The following ADGRB3 variants were observed in gnomAD, a reference collection of about 807,000 sequenced individuals.
ADGRB3 encodes adhesion G protein-coupled receptor B3.
In ADGRB3, 37 loss-of-function variants were observed where a neutral mutation model predicts 193.4. The ratio of observed to expected loss-of-function variants is 0.19; its 90% CI spans 0.15 to 0.25. The LOEUF (loss-of-function observed/expected upper bound fraction) is 0.25, where lower values mean the gene tolerates loss of function less well. Among genes scored for constraint, ADGRB3 ranks in the 10% least tolerant of loss-of-function variants. ADGRB3 has a pLI of 1.00. For synonymous variants in ADGRB3, 690 were observed against 644.2 expected, an observed-to-expected ratio of 1.07 and a Z score of -1.08; for missense variants, 1,637 against 1,852.9, an observed-to-expected ratio of 0.88 and a Z score of 2.14.
chr6:68,907,892 G>T (rs1019936056), intron 3 of ADGRB3, among the ~76,000 whole-genome samples: 2 of 151,812 alleles, frequency 1.3e-5, no homozygotes, highest in Admixed American at 1.3e-4. Context: ...TATCAAGAAA[G>T]AACTTTAATA....
chr6:69,172,226 C>A (rs564311583), intron 17 of ADGRB3, among the ~76,000 whole-genome samples: 2 of 152,210 alleles, frequency 1.3e-5, no homozygotes, highest in South Asian at 4.1e-4. Flanking sequence ...GTACTTTGAT[C>A]TTTTATATTA....
intron 16 of ADGRB3, among the ~76,000 whole-genome samples, chr6:69,067,701 T>C (rs1293991561): frequency 6.6e-6 from 1 of 152,128 alleles, no homozygotes; most frequent in African/African-American, 2.4e-5. Flanking sequence ...TTTACAGTTC[T>C]TGGTAACTTT....
chr6:69,040,444 A>G (rs1297947354), intron 13 of ADGRB3, among the ~76,000 whole-genome samples: 1 of 149,058 alleles, frequency 6.7e-6, no homozygotes, highest in Non-Finnish European at 1.5e-5. Flanking sequence ...CACAATATGT[A>G]AGTGAATAGG....
At chr6:69,231,351 A>G (rs944651411) in intron 17 of ADGRB3, among the ~76,000 whole-genome samples, 3 of 152,202 alleles carry the variant, frequency 2.0e-5, no homozygotes, top group Non-Finnish European at 4.4e-5. Flanking sequence ...AAGATATTGA[A>G]TTGATTTATT....
chr6:69,327,863 A>G lies in ADGRB3; in HGVS notation c.3009A>G (p.Arg1003=), dbSNP rs1183940941. The change falls in exon 22 of 32, where the codon AGA becomes AGG. Residue 1003 remains arginine, a synonymous_variant. Coordinates refer to ENST00000370598, the MANE Select transcript of ADGRB3 (RefSeq NM_001704.3). ...TGGCCACATCAGTAGGCTTCACCAGAACAAAAGGATATGGCACTGATCACT... is the reference window on the plus strand; with the variant it reads ...TGGCCACATCAGTAGGCTTCACCAGGACAAAAGGATATGGCACTGATCACT... The part of the protein sequence containing the change: ...LVVATSVGFT[R]TKGYGTDHYC... 1 of 1,610,432 alleles carries G rather than the reference A, an allele frequency of 6.2e-7. No homozygotes were observed. Among genetic ancestry groups the G allele is most frequent in the African/African-American group, 1.3e-5 (1 of 74,882 alleles).
At chr6:69,178,127 A>G (rs1393514438) in intron 17 of ADGRB3, among the ~76,000 whole-genome samples, 1 of 152,214 alleles carries the variant, frequency 6.6e-6, no homozygotes, top group Non-Finnish European at 1.5e-5. Flanking sequence ...TGTGGTATGC[A>G]TATATACTTG....
intron 23 of ADGRB3, chr6:69,332,508 C>T: frequency 1.0e-6 from 1 of 985,418 alleles, no homozygotes; most frequent in Non-Finnish European, 1.2e-6. Context: ...GCACCTTTTG[C>T]TGCCAGGGCT....
intron 17 of ADGRB3, among the ~76,000 whole-genome samples, chr6:69,200,482 A>G (rs1277257320): frequency 2.0e-5 from 3 of 152,158 alleles, no homozygotes; most frequent in South Asian, 2.1e-4. Flanking sequence ...AGGCCTGAGA[A>G]CATAAACTCT....
intron 13 of ADGRB3, among the ~76,000 whole-genome samples, chr6:69,022,355 T>C (rs1344550678): frequency 2.6e-5 from 4 of 151,900 alleles, no homozygotes; most frequent in Non-Finnish European, 5.9e-5. Flanking sequence ...GAGGGCCATA[T>C]CTTTATATTA....
At chr6:69,147,866 T>C (rs923763669) in intron 17 of ADGRB3, among the ~76,000 whole-genome samples, 2 of 152,202 alleles carry the variant, frequency 1.3e-5, no homozygotes, top group African/African-American at 2.4e-5. Flanking sequence ...TATCTTCCTA[T>C]TGAGTTGTAC....
At chr6:69,204,754 TTTC>T (rs1435083704) in intron 17 of ADGRB3, among the ~76,000 whole-genome samples, 3 of 152,306 alleles carry the variant, frequency 2.0e-5, no homozygotes, top group African/African-American at 7.2e-5. Context: ...GGGTTCTTTT[TTTC>T]TTTTTTTTAG....
intron 17 of ADGRB3, among the ~76,000 whole-genome samples, chr6:69,155,861 C>A (rs1269720903): frequency 2.6e-5 from 4 of 152,028 alleles, no homozygotes; most frequent in Non-Finnish European, 5.9e-5. Context: ...TAATAGTAAC[C>A]ATTTGAGTAC....
intron 17 of ADGRB3, among the ~76,000 whole-genome samples, chr6:69,084,692 T>G (rs376628019): frequency 2.0e-4 from 30 of 152,312 alleles, no homozygotes; most frequent in East Asian, 1.5e-3. Context: ...TTGCATCAAA[T>G]TTTTAATTAG....
intron 17 of ADGRB3, among the ~76,000 whole-genome samples, chr6:69,132,230 T>TA (rs1343598467): frequency 6.6e-6 from 1 of 152,200 alleles, no homozygotes; most frequent in Non-Finnish European, 1.5e-5. Flanking sequence ...TGAACTAATT[T>TA]ACACTCCCAT....
chr6:69,013,100 A>G (rs759885194), intron 11 of ADGRB3, among the ~76,000 whole-genome samples: 2 of 152,074 alleles, frequency 1.3e-5, no homozygotes, highest in Non-Finnish European at 2.9e-5. Context: ...CTCGCCTTCA[A>G]AGGCACGCTG....
At chr6:68,914,021 C>T (rs1205119185) in intron 3 of ADGRB3, among the ~76,000 whole-genome samples, 1 of 151,600 alleles carries the variant, frequency 6.6e-6, no homozygotes, top group East Asian at 1.9e-4. Flanking sequence ...CGAACAAAGC[C>T]TCCAAGAAAT....
Position 69,382,249 on chromosome 6 carries a change from G to A in ADGRB3, c.4276-582G>A, listed in dbSNP as rs150085986. Among the ~76,000 whole-genome samples the A allele has an allele frequency of 5.0e-3, 767 of 151,932 alleles. 5 individuals carry two copies. Among genetic ancestry groups the A allele is most frequent in the African/African-American group, 0.018 (736 of 41,490 alleles). On this transcript the variant is annotated intron_variant, in intron 30 of 31. Transcript: ENST00000370598. The stretch of plus-strand genomic sequence containing the variant: ...CTAAACAAATGGATGAAATCTATGG[G>A]TCAGATTTTCCCCCTAAGAAGCTCA...
intron 3 of ADGRB3, among the ~76,000 whole-genome samples, chr6:68,893,497 A>C (rs2150230047): frequency 6.6e-6 from 1 of 151,936 alleles, no homozygotes; most frequent in South Asian, 2.1e-4. Context: ...GATAAAGAAA[A>C]AAAAGAAAGC....
chr6:69,002,821 A>T lies in ADGRB3; in HGVS notation c.1929+8859A>T, dbSNP rs1043311929. 5.3e-5 allele frequency among the ~76,000 whole-genome samples: 8 copies of T among 152,088 alleles called. No homozygotes were observed. In the East Asian group the frequency reaches 1.4e-3, roughly 26 times the overall value. On this transcript the variant is annotated intron_variant, in intron 11 of 31. Coordinates refer to ENST00000370598, the MANE Select transcript of ADGRB3 (RefSeq NM_001704.3). ...TTTTCTGGGTTGGAATTACAGTACAACTCTAGCCTTCAAGACACAACCTGA... is the reference window on the plus strand; with the variant it reads ...TTTTCTGGGTTGGAATTACAGTACATCTCTAGCCTTCAAGACACAACCTGA...
Sources: gnomAD v4.1 joint callset for allele counts (sites outside exome capture counted in the v4.1 genomes callset) on GRCh38, gnomAD v4.1.1 for gene constraint, MANE v1.5 for transcripts, NCBI Gene and HGNC (gene_info 2026-07-23, HGNC 2026-07-21) for gene names.